TRIM5: variants seen among roughly 807,000 people sequenced by gnomAD.
The protein encoded by TRIM5 is tripartite motif containing 5.
TRIM5 carries 31 observed loss-of-function variants against 35.6 expected under a neutral mutation model. That is an observed-to-expected ratio of 0.87 (90% confidence interval 0.65 to 1.18). The LOEUF (loss-of-function observed/expected upper bound fraction) is 1.18. Ranked by LOEUF, TRIM5 falls within the 50% of genes most tolerant of loss-of-function variation. The probability of loss-of-function intolerance (pLI) is 0.00; values close to 1 mark genes in which losing one functional copy is unlikely to be tolerated. For synonymous variants in TRIM5, 243 were observed against 215.6 expected, an observed-to-expected ratio of 1.13 and a Z score of -1.11; for missense variants, 609 against 591.6, an observed-to-expected ratio of 1.03 and a Z score of -0.31.
At chr11:5,614,775 T>C in the TRIM5 span, among the ~76,000 whole-genome samples, 1 of 152,228 alleles carries the variant, frequency 6.6e-6, no homozygotes, top group South Asian at 2.1e-4. Flanking sequence ...ATAATCTTTT[T>C]AGGGGAAGAG....
At chr11:5,657,677 T>TATAA in the TRIM5 span, among the ~76,000 whole-genome samples, 69 of 125,294 alleles carry the variant, frequency 5.5e-4, no homozygotes, top group African/African-American at 2.1e-3. Context: ...TATAATATAA[T>TATAA]ATATATATAT....
In TRIM5 at chr11:5,667,575, C is replaced by A. The variant is rs540019805; in HGVS notation, c.767+114G>T. 50 of 1,115,888 alleles carry A rather than the reference C, an allele frequency of 4.5e-5. 1 individual carries two copies. In the South Asian group the frequency reaches 6.9e-4, roughly 15 times the overall value. The allele number at this position is 1,115,888 out of a possible 1,614,324, so 69.1% of individuals were successfully genotyped here. On this transcript the variant is annotated intron_variant, in intron 5 of 7. Coordinates refer to ENST00000380034, the MANE Select transcript of TRIM5 (RefSeq NM_033034.3). ...CCAGAAATTTATGATAAAACAATATCGAAATTTTTCTGCCCTGGGAGATGT... is the reference window on the plus strand; with the variant it reads ...CCAGAAATTTATGATAAAACAATATAGAAATTTTTCTGCCCTGGGAGATGT...
chr11:5,595,125 C>G, the TRIM5 span: 1 of 152,236 alleles, frequency 6.6e-6, no homozygotes, highest in Admixed American at 6.5e-5. Context: ...ACCCAGCTCT[C>G]TCCCTACTGC....
rs558219943 is a variant in TRIM5 at position 5,679,888 on chromosome 11, C to T, written c.290G>A (p.Arg97His). ...PEGQKVDHCA[R>H]HGEKLLLFCQ... ...GAAGAGTAGAAGTTTCTCTCCATGGCGTGCACAATGATCAACTTTCTGCCC... is the reference window on the plus strand; with the variant it reads ...GAAGAGTAGAAGTTTCTCTCCATGGTGTGCACAATGATCAACTTTCTGCCC... Residue 97 changes from arginine (R) to histidine (H), a missense_variant, in exon 2 of 8, where the codon CGC becomes CAC. By Grantham distance (29) the Arg-to-His change is conservative (BLOSUM62 0). Coordinates refer to ENST00000380034, the MANE Select transcript of TRIM5 (RefSeq NM_033034.3). The T allele has an allele frequency of 1.7e-5, 27 of 1,613,904 alleles. No homozygotes were observed. The highest frequency in any genetic ancestry group is 8.3e-5 in the Admixed American group (5 of 59,972).
intron 4 of TRIM5, among the ~76,000 whole-genome samples, chr11:5,672,409 T>C (rs1200960827): frequency 1.3e-5 from 2 of 152,076 alleles, no homozygotes; most frequent in Non-Finnish European, 2.9e-5. Context: ...ATGGGGTTTC[T>C]GCATGTTGGC....
At chr11:5,634,992 T>C in the TRIM5 span, 1 of 885,688 alleles carries the variant, frequency 1.1e-6, no homozygotes, top group East Asian at 2.8e-5. Flanking sequence ...ATTCTAGATG[T>C]CATGGACATG....
At chr11:5,616,075 C>A in the TRIM5 span, among the ~76,000 whole-genome samples, 1 of 151,506 alleles carries the variant, frequency 6.6e-6, no homozygotes, top group Admixed American at 6.6e-5. Flanking sequence ...CTCAGCCTCC[C>A]GAGTAGCTGG....
At position 5,679,756 on chromosome 11, in the gene TRIM5, C is replaced by G; in HGVS notation, c.417+5G>C. On this transcript the variant is annotated splice_donor_5th_base_variant and intron_variant, in intron 2 of 7. Transcript: ENST00000380034. Reference sequence around the variant, plus strand: ...CCCTCTCTTCCTTCCATCCCAGTCTCTTACTTGGTACTCCCGGGCAACCTC... The same window carrying G: ...CCCTCTCTTCCTTCCATCCCAGTCTGTTACTTGGTACTCCCGGGCAACCTC... 1 of 1,575,238 alleles carries G rather than the reference C, an allele frequency of 6.3e-7. No individual in the cohort carries two copies. The highest frequency in any genetic ancestry group is 8.6e-7 in the Non-Finnish European group (1 of 1,158,646).
intron 4 of TRIM5, among the ~76,000 whole-genome samples, chr11:5,669,177 T>C (rs765156560): frequency 5.3e-5 from 8 of 151,770 alleles, no homozygotes; most frequent in Non-Finnish European, 8.8e-5. Flanking sequence ...CCTCCTGGGT[T>C]CAAGCGATTC....
the TRIM5 span, among the ~76,000 whole-genome samples, chr11:5,614,726 T>G: frequency 1.3e-5 from 2 of 152,224 alleles, no homozygotes; most frequent in African/African-American, 4.8e-5. Context: ...AAGCGAGTGC[T>G]TGTTAGAGCT....
At chr11:5,641,197 TG>T in the TRIM5 span, 1 of 1,614,036 alleles carries the variant, frequency 6.2e-7, no homozygotes, top group Non-Finnish European at 8.5e-7. Context: ...ATGGTGCGTA[TG>T]GGTGGCCAGG....
At chr11:5,661,906 T>G (rs914766580), downstream of TRIM5, among the ~76,000 whole-genome samples, 8 of 152,224 alleles carry the variant, frequency 5.3e-5, no homozygotes, top group Non-Finnish European at 1.0e-4. Context: ...GTTGTGTAAC[T>G]GGGTACTTCA....
intron 5 of TRIM5, 61 bp from the exon 6 acceptor site, chr11:5,666,142 C>A: frequency 1.4e-6 from 2 of 1,384,962 alleles, no homozygotes; most frequent in East Asian, 2.4e-5. Flanking sequence ...CGTGGAACAC[C>A]CCTGACTTCC....
In TRIM5 at chr11:5,679,884, A is replaced by C; in HGVS notation, c.294T>G (p.His98Gln). 6.2e-7 allele frequency: 1 copy of C among 1,613,972 alleles called. No individual in the cohort carries two copies. Among genetic ancestry groups the C allele is most frequent in the South Asian group, 1.1e-5 (1 of 91,056 alleles). Residue 98 changes from histidine (H) to glutamine (Q), a missense_variant, in exon 2 of 8, where the codon CAT becomes CAG. Transcript: ENST00000380034. ...GACAGAAGAGTAGAAGTTTCTCTCC[A>C]TGGCGTGCACAATGATCAACTTTCT... ...EGQKVDHCAR[H>Q]GEKLLLFCQE...
chr11:5,642,557 G>A, the TRIM5 span: 1 of 1,595,092 alleles, frequency 6.3e-7, no homozygotes, highest in Non-Finnish European at 8.6e-7. Context: ...GTGGTGTCAG[G>A]TAATAAACTG....
the TRIM5 span, among the ~76,000 whole-genome samples, chr11:5,594,935 C>T: frequency 6.6e-6 from 1 of 152,112 alleles, no homozygotes; most frequent in African/African-American, 2.4e-5. Context: ...TGGAGGCAGC[C>T]ATACCTAAAA....
At chr11:5,632,803 A>G in the TRIM5 span, 28 of 1,490,092 alleles carry the variant, frequency 1.9e-5, no homozygotes, top group Non-Finnish European at 2.3e-5. Context: ...TAGTTGGTGG[A>G]AAATCTCACC....
the TRIM5 span, among the ~76,000 whole-genome samples, chr11:5,628,528 A>G: frequency 6.6e-6 from 1 of 152,056 alleles, no homozygotes; most frequent in East Asian, 1.9e-4. Context: ...TTCCTCCTTA[A>G]GGTCTTTTGA....
At chr11:5,589,019 CAG>C in the TRIM5 span, 1 of 152,022 alleles carries the variant, frequency 6.6e-6, no homozygotes, top group Non-Finnish European at 1.5e-5. Context: ...CTCCTGACCT[CAG>C]ATGATCCGCC....
Sources: gnomAD v4.1 joint callset for allele counts (sites outside exome capture counted in the v4.1 genomes callset) on GRCh38, gnomAD v4.1.1 for gene constraint, MANE v1.5 for transcripts, NCBI Gene and HGNC (gene_info 2026-07-23, HGNC 2026-07-21) for gene names.